NPHP4: variants seen among roughly 807,000 people sequenced by gnomAD.
The protein encoded by NPHP4 is nephrocystin-4.
NPHP4 carries 151 observed loss-of-function variants against 155.8 expected under a neutral mutation model. The observed-to-expected ratio is 0.97, with a 90% CI of 0.85 to 1.11. NPHP4 has a LOEUF of 1.11. Ranked by LOEUF, NPHP4 falls within the 50% of genes least tolerant of loss-of-function variation. NPHP4 has a pLI of 0.00. For synonymous variants in NPHP4, 845 were observed against 816.8 expected, an observed-to-expected ratio of 1.03 and a Z score of -0.59; for missense variants, 1,956 against 1,925.7, an observed-to-expected ratio of 1.02 and a Z score of -0.29.
Position 5,863,214 on chromosome 1 carries a change from C to A in NPHP4, c.*51G>T, listed in dbSNP as rs2100353785. ...AGGACAGCCTGCAGGGCAGGAGGGG[C>A]ACAGACAGGCCCCAGCTGGGTGCCG... is the stretch of plus-strand genomic sequence containing the variant. On this transcript the variant is annotated 3_prime_UTR_variant, in exon 30 of 30. Transcript: ENST00000378156. 1 of 1,606,314 alleles carries A rather than the reference C, an allele frequency of 6.2e-7. No individual in the cohort carries two copies. The highest frequency in any genetic ancestry group is 8.5e-7 in the Non-Finnish European group (1 of 1,173,522).
At chr1:5,864,746 C>G in intron 27 of NPHP4, 1 of 542,816 alleles carries the variant, frequency 1.8e-6, no homozygotes, top group Admixed American at 3.2e-5. Context: ...GCGCTGCCTC[C>G]GCAGACAGAA....
intron 17 of NPHP4, chr1:5,888,496 G>A (rs1261585183): frequency 1.4e-5 from 18 of 1,261,038 alleles, no homozygotes; most frequent in South Asian, 2.7e-5. Flanking sequence ...GCTTCCGGTC[G>A]CCGCAGACCC....
intron 2 of NPHP4, among the ~76,000 whole-genome samples, chr1:5,979,414 G>C (rs1654277648): frequency 6.6e-6 from 1 of 152,246 alleles, no homozygotes; most frequent in South Asian, 2.1e-4. Flanking sequence ...AGAACCACAG[G>C]GAGTTTGGGG....
chr1:5,977,540 T>C (rs1570729921), intron 3 of NPHP4, among the ~76,000 whole-genome samples: 1 of 152,114 alleles, frequency 6.6e-6, no homozygotes, highest in African/African-American at 2.4e-5. Context: ...ACCTGCTCAG[T>C]GCGTCTCCGA....
intron 10 of NPHP4, among the ~76,000 whole-genome samples, chr1:5,931,727 T>A (rs1446789913): frequency 2.4e-5 from 2 of 83,158 alleles, no homozygotes; most frequent in Non-Finnish European, 4.5e-5. Context: ...GAGCAGGACT[T>A]CATCTCAAAA....
intron 18 of NPHP4, among the ~76,000 whole-genome samples, chr1:5,884,239 C>A (rs1643568875): frequency 6.6e-6 from 1 of 152,166 alleles, no homozygotes; most frequent in Admixed American, 6.5e-5. Flanking sequence ...TGCAGCCCTG[C>A]AGCTGGACCA....
rs1336966843 is a variant in NPHP4 at position 5,905,132 on chromosome 1, T to G, written c.1955+160A>C. Among the ~76,000 whole-genome samples the G allele has an allele frequency of 6.6e-6, 1 of 152,162 alleles. No homozygotes were observed. The highest frequency in any genetic ancestry group is 1.9e-4 in the East Asian group (1 of 5,196). On this transcript the variant is annotated intron_variant, in intron 15 of 29. Coordinates refer to ENST00000378156, the MANE Select transcript of NPHP4 (RefSeq NM_015102.5). The surrounding 1 kb of genome is among the most constrained non-coding windows in gnomAD (Gnocchi z 4.0). ...AGCTTTCACAGCATTTAGCATGCTG[T>G]GGGTGGGTCCTAGCCAAGAGAAGAT...
At chr1:5,863,494 C>A in intron 29 of NPHP4, 89 bp from the exon 30 acceptor site, 2 of 1,504,686 alleles carry the variant, frequency 1.3e-6, no homozygotes, top group Non-Finnish European at 9.1e-7. Context: ...TGTTTATTTC[C>A]AAGGGGAGCT....
chr1:5,901,780 G>A (rs1163411571), intron 16 of NPHP4, among the ~76,000 whole-genome samples: 1 of 152,186 alleles, frequency 6.6e-6, no homozygotes, highest in Admixed American at 6.5e-5. Flanking sequence ...TCAGCAGTGG[G>A]TACAGAGGAG....
chr1:5,945,768 G>A (rs1461544593), intron 9 of NPHP4, among the ~76,000 whole-genome samples: 2 of 152,318 alleles, frequency 1.3e-5, no homozygotes, highest in African/African-American at 4.8e-5. Flanking sequence ...TGATACAGAA[G>A]TACCCCGATC....
In NPHP4 at chr1:5,933,272, C is replaced by G. The variant is rs1646370862; in HGVS notation, c.1177G>C (p.Val393Leu). 1 of 1,613,664 alleles carries G rather than the reference C, an allele frequency of 6.2e-7. No individual in the cohort carries two copies. The highest frequency in any genetic ancestry group is 8.5e-7 in the Non-Finnish European group (1 of 1,179,882). ...TCAGCTTCCAGCAAGGGGTTCCAAA[C>G]AGCCCAGCGGACCATGTGCATGCAT... ...LACMHMVRWA[V>L]WNPLLEADSG... is the part of the protein sequence containing the mutation. The change falls in exon 10 of 30, where the codon GTT (valine) becomes CTT (leucine). Residue 393 changes from valine (V) to leucine (L), a missense_variant. Physicochemically the swap from Val to Leu is conservative, Grantham distance 32 (BLOSUM62 1). Transcript: ENST00000378156.
At chr1:5,896,337 C>T (rs188372321) in intron 16 of NPHP4, among the ~76,000 whole-genome samples, 1 of 152,270 alleles carries the variant, frequency 6.6e-6, no homozygotes, top group East Asian at 1.9e-4. Flanking sequence ...ATGAATCATA[C>T]TGAATATCAA....
intron 19 of NPHP4, among the ~76,000 whole-genome samples, chr1:5,878,116 G>A (rs943165542): frequency 6.6e-6 from 1 of 152,176 alleles, no homozygotes; most frequent in Non-Finnish European, 1.5e-5. Context: ...TAGGGCCTGG[G>A]TCCTTCCTCA....
At position 5,867,037 on chromosome 1, in the gene NPHP4, T is replaced by A; in HGVS notation, c.3551A>T (p.Gln1184Leu). The A allele has an allele frequency of 6.2e-7, 1 of 1,612,472 alleles. No homozygotes were observed. The highest frequency in any genetic ancestry group is 8.5e-7 in the Non-Finnish European group (1 of 1,179,268). ...CSDPNVICETQNVGPGEPRDI... is the reference protein window; with the variant it reads ...CSDPNVICETLNVGPGEPRDI... The stretch of plus-strand genomic sequence containing the variant: ...GGCCACAACACAACCTACCACATTC[T>A]GGGTCTCACAGATGACGTTCGGGTC... Residue 1184 changes from glutamine to leucine, a missense_variant, in exon 25 of 30, where the codon CAG becomes CTG. Gln to Leu is a moderately radical substitution (Grantham distance 113, BLOSUM62 -2). Transcript: ENST00000378156. The surrounding 1 kb of genome is among the most constrained non-coding windows in gnomAD (Gnocchi z 4.1).
chr1:5,951,898 C>T (rs766724534), intron 7 of NPHP4, among the ~76,000 whole-genome samples: 18 of 152,204 alleles, frequency 1.2e-4, no homozygotes, highest in East Asian at 1.9e-4. Context: ...ATCGCTGGGA[C>T]GGAGCCGGAG....
chr1:5,980,523 C>T (rs1000302093), intron 2 of NPHP4, among the ~76,000 whole-genome samples: 28 of 152,224 alleles, frequency 1.8e-4, no homozygotes, highest in African/African-American at 6.7e-4. Flanking sequence ...CAATCTGGTT[C>T]GGGATTTAAG....
chr1:5,915,262 G>A (rs1188503660), intron 11 of NPHP4, among the ~76,000 whole-genome samples: 1 of 152,114 alleles, frequency 6.6e-6, no homozygotes, highest in Non-Finnish European at 1.5e-5. Flanking sequence ...ACAAACAGGG[G>A]TAAACAGATG....
In NPHP4 at chr1:5,874,558, G is replaced by T; in HGVS notation, c.3144C>A (p.Ala1048=). 1 of 1,605,766 alleles carries T rather than the reference G, an allele frequency of 6.2e-7. No homozygotes were observed. Among genetic ancestry groups the T allele is most frequent in the Non-Finnish European group, 8.5e-7 (1 of 1,176,852 alleles). The change falls in exon 22 of 30, where the codon GCC becomes GCA. Residue 1048 remains alanine (A), a synonymous_variant. Transcript: ENST00000378156. ...EDMFHLRGSL[A]PQLYLRPHET... ...CGTGGGGGCGCAGGTAGAGCTGGGG[G>T]GCCAGGCTGCCACGCAGGTGGAACA...
intron 3 of NPHP4, 79 bp downstream of exon 3, chr1:5,978,191 C>A: frequency 1.4e-6 from 2 of 1,392,156 alleles, no homozygotes; most frequent in Non-Finnish European, 2.0e-6. Context: ...AGGCCCCAGT[C>A]TCTGGGCTGC....
Sources: allele counts gnomAD v4.1 joint callset (sites outside exome capture counted in the v4.1 genomes callset), GRCh38; gene constraint gnomAD v4.1.1; non-coding constraint Gnocchi (gnomAD v3.1); transcripts MANE v1.5; gene names NCBI Gene and HGNC (gene_info 2026-07-23, HGNC 2026-07-21).